TIGD7: variants seen among roughly 807,000 people sequenced by gnomAD.
The protein encoded by TIGD7 is tigger transposable element-derived protein 7.
TIGD7 carries 26 observed loss-of-function variants against 24.8 expected under a neutral mutation model. That is an observed-to-expected ratio of 1.05 (90% confidence interval 0.77 to 1.45). The LOEUF (loss-of-function observed/expected upper bound fraction) is 1.45, where lower values mean the gene tolerates loss of function less well. Ranked by LOEUF, TIGD7 falls within the 40% of genes most tolerant of loss-of-function variation. The pLI is 0.00. For missense variants in TIGD7, 679 were observed against 641.6 expected (o/e 1.06, Z -0.63); for synonymous variants, 221 against 224.1 (o/e 0.99, Z 0.12).
At position 3,300,433 on chromosome 16, in the gene TIGD7, A is replaced by G. The variant is rs1959906397; in HGVS notation, c.182T>C (p.Met61Thr). ...LILDFVLKQDMPLVGAEKRKR... is the reference protein window; with the variant it reads ...LILDFVLKQDTPLVGAEKRKR... The stretch of plus-strand genomic sequence containing the variant: ...TCTCTTCTCAGCCCCTACTAATGGC[A>G]TGTCCTGCTTCAGTACAAAGTCCAG... The change falls in exon 2 of 2, where the codon ATG becomes ACG. Residue 61 changes from methionine (M) to threonine (T), a missense_variant. By Grantham distance (81) the Met-to-Thr change is moderately conservative (BLOSUM62 -1). Transcript: ENST00000396862. 1 of 1,614,110 alleles carries G rather than the reference A, an allele frequency of 6.2e-7. No individual in the cohort carries two copies. The highest frequency in any genetic ancestry group is 8.5e-7 in the Non-Finnish European group (1 of 1,180,030).
rs1394089676 is a variant in TIGD7 at position 3,299,515 on chromosome 16, C to A, written c.1100G>T (p.Gly367Val). Residue 367 changes from glycine to valine, a missense_variant, in exon 2 of 2, where the codon GGA becomes GTA. Transcript: ENST00000396862. ...SDDEQEKGDKGVSKIKIYNIK... is the reference protein window; with the variant it reads ...SDDEQEKGDKVVSKIKIYNIK... The stretch of plus-strand genomic sequence containing the variant: ...ATTGTAGATTTTAATTTTGGAAACT[C>A]CTTTATCTCCTTTCTCTTGCTCATC... 6.5e-7 allele frequency: 1 copy of A among 1,531,622 alleles called. No homozygotes were observed. Among genetic ancestry groups the A allele is most frequent in the Non-Finnish European group, 8.7e-7 (1 of 1,143,816 alleles). The allele number at this position is 1,531,622 out of a possible 1,614,324, so 94.9% of individuals were successfully genotyped here.
chr16:3,303,131 C>T (rs1486665553), intron 1 of TIGD7, among the ~76,000 whole-genome samples: 2 of 152,180 alleles, frequency 1.3e-5, no homozygotes, highest in Non-Finnish European at 2.9e-5. Flanking sequence ...AGCCACTGCG[C>T]CCAGCCACAG....
rs1304640857 is a variant in TIGD7, at chr16:3,301,604, A to G, written c.-990T>C. The G allele has an allele frequency of 6.0e-6, 1 of 166,750 alleles. No homozygotes were observed. The highest frequency in any genetic ancestry group is 2.4e-5 in the African/African-American group (1 of 41,474). 10.3% of individuals were successfully genotyped at this position (166,750 alleles called of 1,614,324 possible). ...CACAGCAATTCTCAGAGATGAGCCC[A>G]AAAGTTTTACAAATATTTCACCATA... On this transcript the variant is annotated 5_prime_UTR_variant, in exon 2 of 2. Coordinates refer to ENST00000396862, the MANE Select transcript of TIGD7 (RefSeq NM_033208.4).
At position 3,300,042 on chromosome 16, in the gene TIGD7, A is replaced by G; in HGVS notation, c.573T>C (p.Ser191=). 6.2e-7 allele frequency: 1 copy of G among 1,614,214 alleles called. No homozygotes were observed. Among genetic ancestry groups the G allele is most frequent in the East Asian group, 2.2e-5 (1 of 44,894 alleles). ...DLFWKSMPEN[S]QASRKDICLP... is the part of the protein sequence containing the mutation. ...GGCAGATATCTTTCCTACTTGCCTG[A>G]GAATTTTCTGGCATTGACTTCCAAA... The change falls in exon 2 of 2, where the codon TCT becomes TCC. Residue 191 remains serine (S), a synonymous_variant. Transcript: ENST00000396862.
At chr16:3,302,092 C>G (rs1039123207) in intron 1 of TIGD7, 83 bp from the exon 2 acceptor site, 5 of 153,340 alleles carry the variant, frequency 3.3e-5, no homozygotes, top group South Asian at 2.1e-4. Flanking sequence ...AGGGCAGAAT[C>G]TGACTGGCCC....
chr16:3,300,422 C>T lies in TIGD7; in HGVS notation c.193G>A (p.Gly65Arg). 6.2e-7 allele frequency: 1 copy of T among 1,614,214 alleles called. No individual in the cohort carries two copies. The highest frequency in any genetic ancestry group is 8.5e-7 in the Non-Finnish European group (1 of 1,180,044). ...GTTGTCCTCTTTCTCTTCTCAGCCC[C>T]TACTAATGGCATGTCCTGCTTCAGT... is the stretch of plus-strand genomic sequence containing the variant. The part of the protein sequence containing the change: ...FVLKQDMPLV[G>R]AEKRKRTTGA... Residue 65 changes from glycine to arginine, a missense_variant, in exon 2 of 2, where the codon GGG becomes AGG. Physicochemically the swap from Gly to Arg is moderately radical, Grantham distance 125 (BLOSUM62 -2). Coordinates refer to ENST00000396862, the MANE Select transcript of TIGD7 (RefSeq NM_033208.4).
At chr16:3,303,283 A>C (rs969448831) in intron 1 of TIGD7, among the ~76,000 whole-genome samples, 1 of 152,228 alleles carries the variant, frequency 6.6e-6, no homozygotes, top group Non-Finnish European at 1.5e-5. Flanking sequence ...CTTATTCACT[A>C]TTCACAATTT....
Position 3,299,337 on chromosome 16 carries a change from T to G in TIGD7, c.1278A>C (p.Lys426Asn). 6.3e-7 allele frequency: 1 copy of G among 1,592,010 alleles called. No individual in the cohort carries two copies. The stretch of plus-strand genomic sequence containing the variant: ...CCAACTTAGTTTCCAACTCCCCACA[T>G]TTTTCAAGAATTTCTCTATAATCCC... ...EHGDYREILEKCGELETKLDD... is the reference protein window; with the variant it reads ...EHGDYREILENCGELETKLDD... Residue 426 changes from lysine (K) to asparagine (N), a missense_variant, in exon 2 of 2, where the codon AAA becomes AAC. Lys to Asn is a moderately conservative substitution (Grantham distance 94, BLOSUM62 0). Transcript: ENST00000396862.
At chr16:3,302,975 T>C (rs1166957064) in intron 1 of TIGD7, among the ~76,000 whole-genome samples, 3 of 151,870 alleles carry the variant, frequency 2.0e-5, no homozygotes, top group Non-Finnish European at 4.4e-5. Flanking sequence ...GTAGCTGGGA[T>C]TACAGGCACG....
At position 3,301,927 on chromosome 16, in the gene TIGD7, C is replaced by G. The variant is rs748390429; in HGVS notation, c.-1313G>C. On this transcript the variant is annotated 5_prime_UTR_variant, in exon 2 of 2. Transcript: ENST00000396862. ...TCCAGGTCCTTAGAAATGTCTTAGT[C>G]TAGATTAATTTCCTGGTTCTCAGTC... 1 of 167,020 alleles carries G rather than the reference C, an allele frequency of 6.0e-6. No individual in the cohort carries two copies. The highest frequency in any genetic ancestry group is 2.1e-4 in the South Asian group (1 of 4,832). 10.3% of individuals were successfully genotyped at this position (167,020 alleles called of 1,614,324 possible).
At chr16:3,304,342 A>C (rs1466561210) in intron 1 of TIGD7, among the ~76,000 whole-genome samples, 1 of 152,140 alleles carries the variant, frequency 6.6e-6, no homozygotes, top group Non-Finnish European at 1.5e-5. Flanking sequence ...AAGTGTCTCC[A>C]TTCCCTGCTG....
At position 3,299,693 on chromosome 16, in the gene TIGD7, T is replaced by G; in HGVS notation, c.922A>C (p.Thr308Pro). The G allele has an allele frequency of 1.3e-6, 2 of 1,539,516 alleles. No homozygotes were observed. The change falls in exon 2 of 2, where the codon ACC becomes CCC. Residue 308 changes from threonine (T) to proline (P), a missense_variant. Coordinates refer to ENST00000396862, the MANE Select transcript of TIGD7 (RefSeq NM_033208.4). ...CPAHPSSESL[T>P]SEDGRIKCMF... The stretch of plus-strand genomic sequence containing the variant: ...CATTTTATTCGACCATCCTCACTGG[T>G]TAGGGATTCAGAGGAAGGATGAGCC...
In TIGD7 at chr16:3,300,226, C is replaced by T. The variant is rs201789939; in HGVS notation, c.389G>A (p.Arg130Gln). ...KASTGWLFRF[R>Q]NRHAIGNRKG... Reference sequence around the variant, plus strand: ...TCGGTTCCCAATTGCATGCCGATTTCGAAATCTAAAAAGCCAACCAGTGCT... The same window carrying T: ...TCGGTTCCCAATTGCATGCCGATTTTGAAATCTAAAAAGCCAACCAGTGCT... The change falls in exon 2 of 2, where the codon CGA (arginine) becomes CAA (glutamine). Residue 130 changes from arginine to glutamine, a missense_variant. Physicochemically the swap from Arg to Gln is conservative, Grantham distance 43. Coordinates refer to ENST00000396862, the MANE Select transcript of TIGD7 (RefSeq NM_033208.4). 175 of 1,614,200 alleles carry T rather than the reference C, an allele frequency of 1.1e-4. No individual in the cohort carries two copies. Among genetic ancestry groups the T allele is most frequent in the South Asian group, 3.3e-5 (3 of 91,086 alleles).
Position 3,301,617 on chromosome 16 carries a change from A to G in TIGD7, c.-1003T>C, listed in dbSNP as rs1232405703. ...AGAGATGAGCCCAAAAGTTTTACAA[A>G]TATTTCACCATAGTTAAAAATTTTT... is the stretch of plus-strand genomic sequence containing the variant. On this transcript the variant is annotated 5_prime_UTR_variant, in exon 2 of 2. Coordinates refer to ENST00000396862, the MANE Select transcript of TIGD7 (RefSeq NM_033208.4). The G allele has an allele frequency of 6.0e-6, 1 of 166,542 alleles. No homozygotes were observed. Among genetic ancestry groups the G allele is most frequent in the East Asian group, 1.9e-4 (1 of 5,210 alleles). The allele number at this position is 166,542 out of a possible 1,614,324, so 10.3% of individuals were successfully genotyped here. A position where few individuals can be genotyped will look rare whatever the true frequency, so the allele number is the denominator to read the frequency against.
At chr16:3,302,826 CCGT>C (rs1327740544) in intron 1 of TIGD7, among the ~76,000 whole-genome samples, 23 of 150,200 alleles carry the variant, frequency 1.5e-4, no homozygotes, top group Admixed American at 3.3e-4. Flanking sequence ...CTCAGCTGTG[CCGT>C]CGTCTTTTTT....
rs780165480 is a variant in TIGD7 at position 3,300,182 on chromosome 16, C to G, written c.433G>C (p.Val145Leu). The G allele has an allele frequency of 6.2e-7, 1 of 1,614,230 alleles. No homozygotes were observed. The highest frequency in any genetic ancestry group is 1.7e-5 in the Admixed American group (1 of 60,022). The change falls in exon 2 of 2, where the codon GTC becomes CTC. Residue 145 changes from valine to leucine, a missense_variant. Val to Leu is a conservative substitution (Grantham distance 32). Coordinates refer to ENST00000396862, the MANE Select transcript of TIGD7 (RefSeq NM_033208.4). The stretch of plus-strand genomic sequence containing the variant: ...ACATTTTCAGAAACTGAACTTAGGA[C>G]TTGTTCCCCACATCCTTTTCGGTTC... ...IGNRKGCGEQ[V>L]LSSVSENVEP... is the part of the protein sequence containing the mutation.
At chr16:3,302,402 A>T (rs1251831424) in intron 1 of TIGD7, among the ~76,000 whole-genome samples, 1 of 152,208 alleles carries the variant, frequency 6.6e-6, no homozygotes, top group Non-Finnish European at 1.5e-5. Context: ...CTGGGATTAC[A>T]GGCGTGAGCC....
At chr16:3,302,717 C>T (rs1959975489) in intron 1 of TIGD7, among the ~76,000 whole-genome samples, 1 of 151,930 alleles carries the variant, frequency 6.6e-6, no homozygotes, top group Non-Finnish European at 1.5e-5. Flanking sequence ...TAGCCAATAG[C>T]AGCACCATTA....
rs1960079612 is a variant in TIGD7 at position 3,304,880 on chromosome 16, G to C, written c.-1396+332C>G. ...ATACCACAACAGGAGAGCTATTTCC[G>C]ATTAGCGGCCGCCACTGCTGAGCTA... On this transcript the variant is annotated intron_variant, in intron 1 of 1. Coordinates refer to ENST00000396862, the MANE Select transcript of TIGD7 (RefSeq NM_033208.4). 3 of 152,222 alleles carry C rather than the reference G, an allele frequency of 2.0e-5. No homozygotes were observed. The South Asian group carries it at 6.2e-4, about 31-fold the overall frequency. 9.4% of individuals were successfully genotyped at this position (152,222 alleles called of 1,614,324 possible).
Sources: gnomAD v4.1 joint callset for allele counts (sites outside exome capture counted in the v4.1 genomes callset) on GRCh38, gnomAD v4.1.1 for gene constraint, MANE v1.5 for transcripts, NCBI Gene and HGNC (gene_info 2026-07-23, HGNC 2026-07-21) for gene names.